The following RPS6KA3 variants were observed in gnomAD, a reference collection of about 807,000 sequenced individuals.
The protein encoded by RPS6KA3 is ribosomal protein S6 kinase A3.
A neutral mutation model predicts 67.2 loss-of-function variants in RPS6KA3; 4 were observed. That is an observed-to-expected ratio of 0.06 (90% CI 0.03 to 0.14). RPS6KA3 has a LOEUF of 0.14. RPS6KA3 is among the 10% of genes least tolerant of loss of function. The probability of loss-of-function intolerance (pLI) is 1.00; values close to 1 mark genes in which losing one functional copy is unlikely to be tolerated. For synonymous variants in RPS6KA3, 182 were observed against 183.7 expected (o/e 0.99, Z 0.07); for missense variants, 204 against 559.0 (o/e 0.36, Z 6.40).
intron 2 of RPS6KA3, among the ~76,000 whole-genome samples, chrX:20,217,791 C>A (rs148166531): frequency 5.8e-4 from 65 of 111,931 alleles, no homozygotes; most frequent in African/African-American, 1.8e-3. Context: ...GATATGTTAA[C>A]CTCTTTGTAG....
chrX:20,181,981 A>G (rs1446364124), intron 10 of RPS6KA3, among the ~76,000 whole-genome samples: 1 of 112,124 alleles, frequency 8.9e-6, no homozygotes, highest in African/African-American at 3.2e-5. Flanking sequence ...GGATCAAAGT[A>G]GATGAAGTGA....
At position 20,204,006 on chromosome X, in the gene RPS6KA3, T is replaced by C. The variant is rs377473286; in HGVS notation, c.325+16A>G. 1.0e-5 allele frequency: 12 copies of C among 1,159,794 alleles called. No individual in the cohort carries two copies. In the African/African-American group the frequency reaches 1.1e-4, roughly 10 times the overall value. ...GTTTAGACTACATGAACATTACAAA[T>C]AGCAGCAACACTTACCTTTCAGTGT... On this transcript the variant is annotated intron_variant, in intron 4 of 21. Transcript: ENST00000379565.
At chrX:20,183,267 G>A (rs966550184) in intron 10 of RPS6KA3, among the ~76,000 whole-genome samples, 1 of 110,672 alleles carries the variant, frequency 9.0e-6, no homozygotes, top group Non-Finnish European at 1.9e-5. Flanking sequence ...GAGTGCAGTG[G>A]CATGATCATG....
chrX:20,238,235 A>C (rs1211840082), intron 1 of RPS6KA3, among the ~76,000 whole-genome samples: 2 of 111,343 alleles, frequency 1.8e-5, no homozygotes, highest in African/African-American at 6.5e-5. Context: ...TCAAACGACC[A>C]ATGCAGAGTA....
At chrX:20,258,936 C>T (rs1357436150) in intron 1 of RPS6KA3, among the ~76,000 whole-genome samples, 1 of 111,780 alleles carries the variant, frequency 8.9e-6, no homozygotes, top group Admixed American at 9.5e-5. Context: ...TTTTTTAGTT[C>T]ATTCATGTTC....
intron 3 of RPS6KA3, 106 bp from the exon 4 acceptor site, chrX:20,204,209 G>T: frequency 2.0e-6 from 1 of 509,030 alleles, no homozygotes; most frequent in Non-Finnish European, 3.4e-6. Flanking sequence ...TATAGATTCA[G>T]ATATACTGTA....
At chrX:20,194,364 T>C (rs1188665358) in intron 5 of RPS6KA3, 96 bp from the exon 6 acceptor site, 7 of 527,829 alleles carry the variant, frequency 1.3e-5, no homozygotes, top group South Asian at 2.9e-5. Flanking sequence ...AAATTAATTA[T>C]ATCAAATGTC....
At chrX:20,266,539 GC>G in intron 1 of RPS6KA3, 24 bp downstream of exon 1, 2 of 1,128,755 alleles carry the variant, frequency 1.8e-6, no homozygotes, top group Non-Finnish European at 2.4e-6. Context: ...AGATGCGCCG[GC>G]CCCGGCCGCC....
At chrX:20,222,749 T>G (rs1569247977) in intron 2 of RPS6KA3, among the ~76,000 whole-genome samples, 1 of 111,887 alleles carries the variant, frequency 8.9e-6, no homozygotes, top group South Asian at 3.7e-4. Flanking sequence ...TGCGGTATCA[T>G]TAGTTTAATA....
intron 7 of RPS6KA3, among the ~76,000 whole-genome samples, chrX:20,192,400 A>G (rs1603426063): frequency 2.8e-5 from 3 of 106,863 alleles, no homozygotes; most frequent in African/African-American, 1.0e-4. Flanking sequence ...TAAACAATGG[A>G]GCTAAAAGAA....
intron 10 of RPS6KA3, among the ~76,000 whole-genome samples, chrX:20,182,400 T>C (rs554768500): frequency 4.5e-5 from 5 of 112,118 alleles, no homozygotes; most frequent in African/African-American, 1.6e-4. Context: ...TTCTTTGTTG[T>C]ATGGCATACT....
intron 2 of RPS6KA3, among the ~76,000 whole-genome samples, chrX:20,211,644 GTTCTC>G (rs2068719703): frequency 1.8e-5 from 2 of 110,342 alleles, no homozygotes; most frequent in South Asian, 7.6e-4. Context: ...ACGTAAAGAA[GTTCTC>G]TTCTTTTCTT....
At chrX:20,226,752 C>G (rs1373622354) in intron 2 of RPS6KA3, among the ~76,000 whole-genome samples, 1 of 111,594 alleles carries the variant, frequency 9.0e-6, no homozygotes, top group Non-Finnish European at 1.9e-5. Context: ...CCTTTCAGTT[C>G]TTTTCATTGT....
chrX:20,185,718 C>A (rs1164895181), intron 10 of RPS6KA3, among the ~76,000 whole-genome samples: 1 of 111,370 alleles, frequency 9.0e-6, no homozygotes, highest in African/African-American at 3.3e-5. Context: ...GCTAGGACTT[C>A]CAGGACAATG....
chrX:20,188,023 T>A, intron 8 of RPS6KA3, 53 bp from the exon 9 acceptor site: 1 of 1,085,840 alleles, frequency 9.2e-7, no homozygotes, highest in East Asian at 3.0e-5. Context: ...ATGTAAATTT[T>A]AAACTTTGAG....
chrX:20,235,677 G>A (rs1023314432), intron 1 of RPS6KA3, among the ~76,000 whole-genome samples: 39 of 111,213 alleles, frequency 3.5e-4, no homozygotes, highest in Admixed American at 2.0e-3. Flanking sequence ...ATTAACGAGG[G>A]TACGGGGGAG....
intron 10 of RPS6KA3, among the ~76,000 whole-genome samples, chrX:20,182,673 G>A (rs2067873395): frequency 9.0e-6 from 1 of 111,542 alleles, no homozygotes; most frequent in Non-Finnish European, 1.9e-5. Flanking sequence ...CTTGTTTTTT[G>A]ATGTGTGAGT....
intron 4 of RPS6KA3, among the ~76,000 whole-genome samples, chrX:20,196,345 G>A (rs911577474): frequency 2.7e-5 from 3 of 113,030 alleles, no homozygotes; most frequent in African/African-American, 3.2e-5. Flanking sequence ...TATTTCCTGA[G>A]CAAAGTGTAT....
chrX:20,251,334 G>A (rs2069858301), intron 1 of RPS6KA3, among the ~76,000 whole-genome samples: 1 of 112,359 alleles, frequency 8.9e-6, no homozygotes, highest in Admixed American at 9.4e-5. Flanking sequence ...TAGAAATGGG[G>A]TCTTGCCATG....
Sources: allele counts gnomAD v4.1 joint callset (sites outside exome capture counted in the v4.1 genomes callset), GRCh38; gene constraint gnomAD v4.1.1; transcripts MANE v1.5; gene names NCBI Gene and HGNC (gene_info 2026-07-23, HGNC 2026-07-21).